Variants in ARID4B observed in about 807,000 individuals in gnomAD.
ARID4B encodes the protein AT-rich interaction domain 4B.
Under a neutral mutation model 147.5 loss-of-function variants are expected in ARID4B, and 26 were observed. That is an observed-to-expected ratio of 0.18 (90% CI 0.13 to 0.24). The LOEUF (loss-of-function observed/expected upper bound fraction) is 0.24, where lower values mean the gene tolerates loss of function less well. Ranked by LOEUF, ARID4B falls within the 10% of genes least tolerant of loss-of-function variation. The pLI, the probability that ARID4B is intolerant of heterozygous loss-of-function variation, is 1.00. For missense variants in ARID4B, 1,179 were observed against 1,511.5 expected (o/e 0.78, Z 3.65); for synonymous variants, 512 against 507.9 (o/e 1.01, Z -0.11).
chr1:235,213,677 A>T, intron 17 of ARID4B, 92 bp downstream of exon 17: 1 of 1,356,542 alleles, frequency 7.4e-7, no homozygotes, highest in Non-Finnish European at 9.9e-7. Flanking sequence ...TTAGAATACT[A>T]ATAAATCTGT....
chr1:235,219,902 T>C lies in ARID4B; in HGVS notation c.1474A>G (p.Lys492Glu). The C allele has an allele frequency of 6.3e-7, 1 of 1,596,678 alleles. No individual in the cohort carries two copies. Among genetic ancestry groups the C allele is most frequent in the Non-Finnish European group, 8.6e-7 (1 of 1,166,328 alleles). Residue 492 changes from lysine to glutamate, a missense_variant, in exon 16 of 24, where the codon AAA (lysine) becomes GAA (glutamate). Physicochemically the swap from Lys to Glu is moderately conservative, Grantham distance 56 (BLOSUM62 1). Coordinates refer to ENST00000264183, the MANE Select transcript of ARID4B (RefSeq NM_016374.6). ...AGATTTTCATTGTCTTCTGGTTTTT[T>C]AATGTTAACTTCTTTTTCCTGATCA... ...HSDQEKEVNI[K>E]KPEDNENLDD...
intron 2 of ARID4B, among the ~76,000 whole-genome samples, chr1:235,262,820 TTTATCA>T (rs1367401361): frequency 6.6e-6 from 1 of 152,110 alleles, no homozygotes; most frequent in African/African-American, 2.4e-5. Context: ...AAAAAAAATT[TTTATCA>T]TAAGGATGGG....
Position 235,226,383 on chromosome 1 carries a change from C to CAA in ARID4B, c.898-1609_898-1608insTT, listed in dbSNP as rs563598972. Reference sequence around the variant, plus strand: ...TTTTTGTTTTGTCTTGTTTTTGAGACAGAGTCTTGCTCTGTCGCCCAGGCT... The same window carrying CAA: ...TTTTTGTTTTGTCTTGTTTTTGAGACAAAGAGTCTTGCTCTGTCGCCCAGGCT... On this transcript the variant is annotated intron_variant, in intron 11 of 23. Transcript: ENST00000264183. 2.6e-3 allele frequency among the ~76,000 whole-genome samples: 398 copies of CAA among 152,228 alleles called. 1 individual carries two copies. The highest frequency in any genetic ancestry group is 9.3e-3 in the African/African-American group (385 of 41,502).
At chr1:235,180,572 C>T (rs1664248654) in intron 20 of ARID4B, 1 of 151,934 alleles carries the variant, frequency 6.6e-6, no homozygotes, top group South Asian at 2.1e-4. Flanking sequence ...AGTAGTTATA[C>T]TTGTAAATGT....
At chr1:235,185,086 G>T (rs1664582429) in intron 19 of ARID4B, among the ~76,000 whole-genome samples, 1 of 152,040 alleles carries the variant, frequency 6.6e-6, no homozygotes, top group Non-Finnish European at 1.5e-5. Context: ...CAAAGCACTG[G>T]GATTATAGGC....
chr1:235,270,924 G>A (rs954652844), intron 2 of ARID4B, among the ~76,000 whole-genome samples: 3 of 152,170 alleles, frequency 2.0e-5, no homozygotes, highest in African/African-American at 7.2e-5. Flanking sequence ...AACTGGCATT[G>A]TTATGGTTTA....
chr1:235,268,528 T>G (rs751689043), intron 2 of ARID4B, among the ~76,000 whole-genome samples: 1 of 152,110 alleles, frequency 6.6e-6, no homozygotes, highest in African/African-American at 2.4e-5. Flanking sequence ...CATCTTGATT[T>G]ATTTATTTAT....
chr1:235,182,837 C>T, intron 19 of ARID4B, 44 bp from the exon 20 acceptor site: 1 of 1,523,270 alleles, frequency 6.6e-7, no homozygotes, highest in Non-Finnish European at 8.8e-7. Context: ...GATAAGAACA[C>T]TAGCAATGTC....
At chr1:235,257,340 A>G in intron 3 of ARID4B, 115 bp from the exon 4 acceptor site, 1 of 687,106 alleles carries the variant, frequency 1.5e-6, no homozygotes, top group South Asian at 1.8e-5. Flanking sequence ...TGCCTAGTTT[A>G]TACAACATCC....
rs568175916 is a variant in ARID4B, at chr1:235,247,348, A to G, written c.355-837T>C. Among the ~76,000 whole-genome samples the G allele has an allele frequency of 1.1e-3, 173 of 152,352 alleles. 1 individual carries two copies. Among genetic ancestry groups the G allele is most frequent in the African/African-American group, 4.1e-3 (169 of 41,586 alleles). On this transcript the variant is annotated intron_variant, in intron 6 of 23. Coordinates refer to ENST00000264183, the MANE Select transcript of ARID4B (RefSeq NM_016374.6). ...AAGAGCAGGCATCTAAACTAATGTA[A>G]TATGTAAAAAGAAATGTTATATAAC... is the stretch of plus-strand genomic sequence containing the variant.
chr1:235,311,361 A>G (rs1674038336), intron 2 of ARID4B, among the ~76,000 whole-genome samples: 1 of 44,794 alleles, frequency 2.2e-5, no homozygotes, highest in Non-Finnish European at 5.0e-5. Flanking sequence ...CAAAACAATA[A>G]TAATAATAAT....
intron 2 of ARID4B, among the ~76,000 whole-genome samples, chr1:235,310,807 A>C (rs1403512878): frequency 1.3e-5 from 2 of 152,088 alleles, no homozygotes; most frequent in Non-Finnish European, 2.9e-5. Context: ...AGTAGCTGGA[A>C]ATACAGTCAC....
chr1:235,230,612 A>G (rs1279327862), intron 10 of ARID4B, among the ~76,000 whole-genome samples: 1 of 133,296 alleles, frequency 7.5e-6, no homozygotes, highest in Admixed American at 7.8e-5. Context: ...AAAAAAAAAA[A>G]AAAACCAGAA....
rs1572067950 is a variant in ARID4B, at chr1:235,246,127, T to C, written c.446+293A>G. ...AAAAATAATAGCATGAATAAAAGCA[T>C]GATATTAGAAAACAAGCGATGTATT... On this transcript the variant is annotated intron_variant, in intron 7 of 23. Coordinates refer to ENST00000264183, the MANE Select transcript of ARID4B (RefSeq NM_016374.6). 1.3e-5 allele frequency among the ~76,000 whole-genome samples: 2 copies of C among 152,264 alleles called. 1 individual carries two copies. Among genetic ancestry groups the C allele is most frequent in the Non-Finnish European group, 2.9e-5 (2 of 68,016 alleles).
chr1:235,171,562 A>G (rs1463352340), intron 23 of ARID4B, among the ~76,000 whole-genome samples: 2 of 152,192 alleles, frequency 1.3e-5, no homozygotes, highest in East Asian at 1.9e-4. Flanking sequence ...GAGAGGCTCT[A>G]TTTAGCAAAA....
At chr1:235,257,470 A>T (rs1016268773) in intron 3 of ARID4B, among the ~76,000 whole-genome samples, 42 of 144,556 alleles carry the variant, frequency 2.9e-4, no homozygotes, top group Non-Finnish European at 5.4e-4. Flanking sequence ...TCCACATGTC[A>T]TTTTTTTTTT....
chr1:235,326,280 T>C (rs1675254245), intron 2 of ARID4B, among the ~76,000 whole-genome samples: 2 of 152,278 alleles, frequency 1.3e-5, no homozygotes, highest in Admixed American at 1.3e-4. Context: ...GTTAACATAT[T>C]GACATCTAAG....
chr1:235,193,945 A>T (rs1665300160), intron 19 of ARID4B, 68 bp downstream of exon 19: 2 of 1,236,644 alleles, frequency 1.6e-6, no homozygotes, highest in Admixed American at 2.1e-5. Flanking sequence ...TCACTGAATT[A>T]CCTTTATAGA....
At chr1:235,176,828 C>T (rs547362074) in intron 21 of ARID4B, 6 of 470,450 alleles carry the variant, frequency 1.3e-5, no homozygotes, top group East Asian at 6.9e-5. Flanking sequence ...GCAGCCAAGC[C>T]GGCTGCTAGC....
Sources: allele counts gnomAD v4.1 joint callset (sites outside exome capture counted in the v4.1 genomes callset), GRCh38; gene constraint gnomAD v4.1.1; transcripts MANE v1.5; gene names NCBI Gene and HGNC (gene_info 2026-07-23, HGNC 2026-07-21).